The following CLOCK variants were observed in gnomAD, a reference collection of about 807,000 sequenced individuals.
CLOCK encodes the protein circadian locomoter output cycles protein kaput.
CLOCK carries 43 observed loss-of-function variants against 118.4 expected under a neutral mutation model. The ratio of observed to expected loss-of-function variants is 0.36; its 90% CI spans 0.28 to 0.47. The LOEUF is 0.47. Among genes scored for constraint, CLOCK ranks in the 20% least tolerant of loss-of-function variants. The pLI, the probability that CLOCK is intolerant of heterozygous loss-of-function variation, is 1.00. For missense variants in CLOCK, 846 were observed against 999.9 expected (o/e 0.85, Z 2.08); for synonymous variants, 326 against 339.2 (o/e 0.96, Z 0.43).
intron 8 of CLOCK, among the ~76,000 whole-genome samples, chr4:55,468,281 T>C (rs181062349): frequency 6.6e-6 from 1 of 152,264 alleles, no homozygotes; most frequent in African/African-American, 2.4e-5. Context: ...AAGAGTAGTT[T>C]ATAAGTAACT....
chr4:55,471,694 A>G (rs1003908850), intron 7 of CLOCK, among the ~76,000 whole-genome samples: 3 of 152,208 alleles, frequency 2.0e-5, no homozygotes, highest in African/African-American at 7.2e-5. Context: ...CAGAAGTGAC[A>G]GCTGAAGAAA....
chr4:55,451,342 CTCTTG>C (rs1181078335), intron 15 of CLOCK, among the ~76,000 whole-genome samples: 2 of 152,176 alleles, frequency 1.3e-5, no homozygotes, highest in Non-Finnish European at 2.9e-5. Flanking sequence ...CTCACTGATA[CTCTTG>C]TCTTCTAAGT....
At chr4:55,477,189 T>C (rs970767130) in intron 6 of CLOCK, among the ~76,000 whole-genome samples, 2 of 152,124 alleles carry the variant, frequency 1.3e-5, no homozygotes, top group African/African-American at 4.8e-5. Flanking sequence ...ATACTATTTT[T>C]GTGAGAATTA....
chr4:55,481,108 T>A (rs1168938112), intron 4 of CLOCK, among the ~76,000 whole-genome samples: 2 of 152,032 alleles, frequency 1.3e-5, no homozygotes, highest in Non-Finnish European at 2.9e-5. Flanking sequence ...TCTGCTGATT[T>A]ATGAAGTTTT....
intron 1 of CLOCK, among the ~76,000 whole-genome samples, chr4:55,528,906 T>C (rs1022141806): frequency 6.6e-6 from 1 of 152,164 alleles, no homozygotes; most frequent in Non-Finnish European, 1.5e-5. Flanking sequence ...AAAAACAGGT[T>C]CCCTGATCTT....
chr4:55,514,109 T>A (rs942341904), intron 1 of CLOCK, among the ~76,000 whole-genome samples: 1 of 152,134 alleles, frequency 6.6e-6, no homozygotes, highest in African/African-American at 2.4e-5. Context: ...TTCATTTTTT[T>A]ATCTTACTGC....
intron 4 of CLOCK, among the ~76,000 whole-genome samples, 193 bp downstream of exon 4, chr4:55,482,546 G>C (rs921212348): frequency 1.3e-5 from 2 of 152,098 alleles, no homozygotes; most frequent in African/African-American, 4.8e-5. Flanking sequence ...ATATGCTGCT[G>C]ACTTTGCCTC....
At chr4:55,517,158 T>A (rs1028721246) in intron 1 of CLOCK, among the ~76,000 whole-genome samples, 1 of 152,210 alleles carries the variant, frequency 6.6e-6, no homozygotes, top group Admixed American at 6.5e-5. Flanking sequence ...TCACACTGAT[T>A]TTTGAATATT....
intron 1 of CLOCK, among the ~76,000 whole-genome samples, chr4:55,536,202 C>A (rs1241648771): frequency 2.0e-5 from 3 of 151,998 alleles, no homozygotes; most frequent in Admixed American, 6.6e-5. Flanking sequence ...GGGACAAGAC[C>A]AATAGGCTTT....
At chr4:55,461,743 C>G (rs1407720425) in intron 9 of CLOCK, among the ~76,000 whole-genome samples, 1 of 152,142 alleles carries the variant, frequency 6.6e-6, no homozygotes, top group Non-Finnish European at 1.5e-5. Context: ...GTAGGCAACC[C>G]ACTGCTGCAA....
intron 1 of CLOCK, among the ~76,000 whole-genome samples, chr4:55,532,485 A>G (rs1730616121): frequency 6.6e-6 from 1 of 152,182 alleles, no homozygotes; most frequent in Admixed American, 6.5e-5. Flanking sequence ...CGAAATCAAC[A>G]CACAAAAATC....
chr4:55,473,625 C>T (rs1306419532), intron 7 of CLOCK, among the ~76,000 whole-genome samples: 4 of 152,054 alleles, frequency 2.6e-5, no homozygotes, highest in African/African-American at 9.7e-5. Flanking sequence ...TATTGTGCTT[C>T]GCTTTATTGA....
intron 9 of CLOCK, among the ~76,000 whole-genome samples, chr4:55,463,432 G>C (rs899021103): frequency 6.6e-6 from 1 of 151,948 alleles, no homozygotes; most frequent in Non-Finnish European, 1.5e-5. Context: ...ATAAAATACA[G>C]CTTTATGGCA....
chr4:55,468,200 T>A (rs1577734805), intron 8 of CLOCK, among the ~76,000 whole-genome samples: 1 of 152,070 alleles, frequency 6.6e-6, no homozygotes, highest in South Asian at 2.1e-4. Context: ...CCTCAAGCAA[T>A]CCTCCCACCA....
At chr4:55,481,674 G>A (rs1311704259) in intron 4 of CLOCK, among the ~76,000 whole-genome samples, 2 of 149,214 alleles carry the variant, frequency 1.3e-5, no homozygotes, top group Non-Finnish European at 3.0e-5. Context: ...AGTCACTTCT[G>A]TGTACAAGTC....
chr4:55,522,202 A>G (rs1368323163), intron 1 of CLOCK, among the ~76,000 whole-genome samples: 1 of 152,230 alleles, frequency 6.6e-6, no homozygotes, highest in African/African-American at 2.4e-5. Context: ...TCATATCTAT[A>G]GAGGAGAAAA....
At chr4:55,505,919 A>T (rs753127129) in intron 2 of CLOCK, among the ~76,000 whole-genome samples, 2 of 151,768 alleles carry the variant, frequency 1.3e-5, no homozygotes, top group Non-Finnish European at 2.9e-5. Context: ...TTTGAAAGTA[A>T]AATGCACATA....
chr4:55,489,829 G>A (rs1369849614), intron 2 of CLOCK, among the ~76,000 whole-genome samples: 1 of 152,120 alleles, frequency 6.6e-6, no homozygotes, highest in Non-Finnish European at 1.5e-5. Flanking sequence ...GCTTAAGACA[G>A]ACTGTTTTAA....
chr4:55,528,848 T>C (rs759550873), intron 1 of CLOCK, among the ~76,000 whole-genome samples: 25 of 152,200 alleles, frequency 1.6e-4, no homozygotes, highest in Non-Finnish European at 3.1e-4. Context: ...TCAATGTCAG[T>C]ATCTGTAGAG....
Sources: gnomAD v4.1 joint callset for allele counts (sites outside exome capture counted in the v4.1 genomes callset) on GRCh38, gnomAD v4.1.1 for gene constraint, MANE v1.5 for transcripts, NCBI Gene and HGNC (gene_info 2026-07-23, HGNC 2026-07-21) for gene names.